Variants in TGS1 observed in about 807,000 individuals in gnomAD.
TGS1 encodes trimethylguanosine synthase 1.
Under a neutral mutation model 92.2 loss-of-function variants are expected in TGS1, and 69 were observed. The ratio of observed to expected loss-of-function variants is 0.75; its 90% CI spans 0.62 to 0.91. TGS1 has a LOEUF of 0.91. TGS1 is among the 40% of genes least tolerant of loss of function. TGS1 has a pLI of 0.00. For missense variants in TGS1, 1,062 were observed against 1,001.2 expected, an observed-to-expected ratio of 1.06 and a Z score of -0.82; for synonymous variants, 345 against 338.1, an observed-to-expected ratio of 1.02 and a Z score of -0.22.
chr8:55,781,975 T>C (rs1270225769), intron 1 of TGS1, among the ~76,000 whole-genome samples: 1 of 152,182 alleles, frequency 6.6e-6, no homozygotes, highest in Non-Finnish European at 1.5e-5. Flanking sequence ...ATGAATACCT[T>C]GTCTACTGTT....
intron 1 of TGS1, among the ~76,000 whole-genome samples, chr8:55,774,296 G>A (rs2130082568): frequency 6.6e-6 from 1 of 152,244 alleles, no homozygotes; most frequent in Non-Finnish European, 1.5e-5. Flanking sequence ...TGAATTCTAG[G>A]AATTGTTTCC....
chr8:55,816,766 A>C (rs1803488080), intron 12 of TGS1, among the ~76,000 whole-genome samples: 1 of 152,152 alleles, frequency 6.6e-6, no homozygotes, highest in African/African-American at 2.4e-5. Flanking sequence ...TTGTTTCCTC[A>C]TAAAGCGGAG....
chr8:55,781,691 G>C (rs1238456163), intron 1 of TGS1, among the ~76,000 whole-genome samples: 7 of 152,182 alleles, frequency 4.6e-5, no homozygotes, highest in Admixed American at 3.3e-4. Flanking sequence ...TCATCCTGCT[G>C]AGTCACCACC....
chr8:55,812,251 G>T (rs985155252), intron 11 of TGS1, among the ~76,000 whole-genome samples: 1 of 152,038 alleles, frequency 6.6e-6, no homozygotes, highest in Non-Finnish European at 1.5e-5. Context: ...TGTACTCCGG[G>T]ATATGCTGGG....
intron 2 of TGS1, among the ~76,000 whole-genome samples, chr8:55,784,975 C>A (rs1022307288): frequency 6.6e-6 from 1 of 152,082 alleles, no homozygotes; most frequent in Non-Finnish European, 1.5e-5. Context: ...GCAGGCAGAG[C>A]CCAATAAGAA....
At chr8:55,814,659 T>TAAA (rs1186059592) in intron 12 of TGS1, among the ~76,000 whole-genome samples, 107 of 116,120 alleles carry the variant, frequency 9.2e-4, no homozygotes, top group African/African-American at 3.4e-3. Context: ...CGTCTCTACT[T>TAAA]AAAAAAAAAA....
At chr8:55,779,661 A>G (rs1045337750) in intron 1 of TGS1, among the ~76,000 whole-genome samples, 1 of 152,242 alleles carries the variant, frequency 6.6e-6, no homozygotes, top group Non-Finnish European at 1.5e-5. Flanking sequence ...CTCCTTCTAA[A>G]AGAGAAGAAA....
Position 55,786,257 on chromosome 8 carries a change from A to G in TGS1, c.359A>G (p.Asn120Ser). Residue 120 changes from asparagine to serine, a missense_variant, in exon 4 of 13, where the codon AAT becomes AGT. Transcript: ENST00000260129. ...KDFEVSMNTR[N>S]KVKIKKKKHQ... The stretch of plus-strand genomic sequence containing the variant: ...ATATAGGTATCTATGAATACTAGAA[A>G]TAAAGTTAAAATAAAAAAGAAAAAA... The G allele has an allele frequency of 1.4e-6, 2 of 1,434,778 alleles. No individual in the cohort carries two copies. Among genetic ancestry groups the G allele is most frequent in the Non-Finnish European group, 1.9e-6 (2 of 1,056,782 alleles). The allele number at this position is 1,434,778 out of a possible 1,614,324, so 88.9% of individuals were successfully genotyped here. A position where few individuals can be genotyped will look rare whatever the true frequency, so the allele number is the denominator to read the frequency against.
intron 1 of TGS1, among the ~76,000 whole-genome samples, chr8:55,777,539 C>CTT (rs1326712583): frequency 6.8e-6 from 1 of 147,556 alleles, no homozygotes; most frequent in African/African-American, 2.5e-5. Context: ...TTGCCATTAT[C>CTT]TTTTTTTTTT....
intron 12 of TGS1, among the ~76,000 whole-genome samples, chr8:55,822,742 C>T (rs778548613): frequency 6.6e-6 from 1 of 151,776 alleles, no homozygotes; most frequent in Non-Finnish European, 1.5e-5. Flanking sequence ...ATAAGGAATA[C>T]TGTATTTGAC....
chr8:55,813,699 T>C (rs1337900252), intron 12 of TGS1, among the ~76,000 whole-genome samples: 1 of 152,226 alleles, frequency 6.6e-6, no homozygotes, highest in East Asian at 1.9e-4. Context: ...ATCTCCATTA[T>C]TTCTTCAACT....
intron 12 of TGS1, among the ~76,000 whole-genome samples, chr8:55,821,240 C>T (rs923653042): frequency 7.9e-5 from 12 of 152,108 alleles, no homozygotes; most frequent in African/African-American, 2.4e-4. Context: ...TTATCAGGAA[C>T]AATATTTGTT....
At chr8:55,778,666 CT>C (rs1358081787) in intron 1 of TGS1, among the ~76,000 whole-genome samples, 1 of 152,162 alleles carries the variant, frequency 6.6e-6, no homozygotes, top group Non-Finnish European at 1.5e-5. Flanking sequence ...TATCTGTGTG[CT>C]TTTACAAAAC....
Position 55,773,531 on chromosome 8 carries a change from G to C in TGS1, c.-88G>C. ...CTCCTCATCCAGGGCTTGCGGGCGA[G>C]GCCTGTTTTAAGTCTCCAGTAACCG... On this transcript the variant is annotated 5_prime_UTR_variant, in exon 1 of 13. Coordinates refer to ENST00000260129, the MANE Select transcript of TGS1 (RefSeq NM_024831.8). 1.0e-6 allele frequency: 1 copy of C among 966,332 alleles called. No homozygotes were observed. The highest frequency in any genetic ancestry group is 2.7e-5 in the East Asian group (1 of 37,478). The allele number at this position is 966,332 out of a possible 1,614,324, so 59.9% of individuals were successfully genotyped here. A position where few individuals can be genotyped will look rare whatever the true frequency, so the allele number is the denominator to read the frequency against.
chr8:55,793,556 A>C (rs377115671), intron 6 of TGS1, among the ~76,000 whole-genome samples: 2 of 151,872 alleles, frequency 1.3e-5, no homozygotes, highest in Admixed American at 6.6e-5. Context: ...ACATGTACAC[A>C]CATTTTTTGT....
intron 1 of TGS1, among the ~76,000 whole-genome samples, chr8:55,777,289 G>GT (rs35331898): frequency 6.0e-4 from 86 of 143,000 alleles, no homozygotes; most frequent in East Asian, 3.5e-3. Flanking sequence ...GATTACAGGT[G>GT]TTTTTTTTTT....
At chr8:55,788,749 G>A (rs936057354) in intron 4 of TGS1, among the ~76,000 whole-genome samples, 4 of 152,106 alleles carry the variant, frequency 2.6e-5, no homozygotes, top group Non-Finnish European at 4.4e-5. Flanking sequence ...GAGCCACCAT[G>A]CACAGCCATC....
Position 55,798,933 on chromosome 8 carries a change from G to A in TGS1, c.1562G>A (p.Trp521Ter), listed in dbSNP as rs1302821746. ...TTTAAGGTAGAAAAATTCCTCACATGGGTTAATAAACCAATGGATGAAGAA... is the reference window on the plus strand; with the variant it reads ...TTTAAGGTAGAAAAATTCCTCACATAGGTTAATAAACCAATGGATGAAGAA... ...ILSKVEKFLTWVNKPMDEEAS... is the reference protein window; with the variant it reads ...ILSKVEKFLT The change falls in exon 8 of 13, where the codon TGG becomes TAG. Residue 521 changes from tryptophan (W) to a stop codon, truncating the protein, a stop_gained. Coordinates refer to ENST00000260129, the MANE Select transcript of TGS1 (RefSeq NM_024831.8). LOFTEE classifies it high-confidence loss of function. 1.2e-6 allele frequency: 2 copies of A among 1,603,968 alleles called. No homozygotes were observed. The highest frequency in any genetic ancestry group is 2.3e-5 in the South Asian group (2 of 88,846).
Position 55,810,882 on chromosome 8 carries a change from G to A in TGS1, c.2145G>A (p.Val715=), listed in dbSNP as rs1464304707. 6.2e-7 allele frequency: 1 copy of A among 1,613,250 alleles called. No homozygotes were observed. The highest frequency in any genetic ancestry group is 1.3e-5 in the African/African-American group (1 of 74,868). Residue 715 remains valine, a splice_region_variant and synonymous_variant, in exon 11 of 13, where the codon GTG becomes GTA. Transcript: ENST00000260129. ...TIQFALTGMR[V]IAIDIDPVKI... ...ATTTTTTTCTTTTCCCACTTTTAGT[G>A]ATTGCCATTGATATCGATCCTGTTA...
Sources: allele counts gnomAD v4.1 joint callset (sites outside exome capture counted in the v4.1 genomes callset), GRCh38; gene constraint gnomAD v4.1.1; transcripts MANE v1.5; gene names NCBI Gene and HGNC (gene_info 2026-07-23, HGNC 2026-07-21).